The following XPR1 variants were observed in gnomAD, a reference collection of about 807,000 sequenced individuals.
XPR1 encodes xenotropic and polytropic retrovirus receptor 1.
In XPR1, 28 loss-of-function variants were observed where a neutral mutation model predicts 87.5. That is an observed-to-expected ratio of 0.32 (90% confidence interval 0.24 to 0.44). XPR1 has a LOEUF of 0.44. XPR1 is among the 20% of genes least tolerant of loss of function. The pLI is 1.00. For synonymous variants in XPR1, 300 were observed against 306.1 expected, an observed-to-expected ratio of 0.98 and a Z score of 0.21; for missense variants, 559 against 862.3, an observed-to-expected ratio of 0.65 and a Z score of 4.41.
At chr1:180,753,844 T>C (rs950545765) in intron 2 of XPR1, among the ~76,000 whole-genome samples, 1 of 152,212 alleles carries the variant, frequency 6.6e-6, no homozygotes, top group African/African-American at 2.4e-5. Context: ...AATTGCACTT[T>C]TACTTTATTT....
intron 2 of XPR1, among the ~76,000 whole-genome samples, chr1:180,726,844 G>A (rs933033370): frequency 6.6e-6 from 1 of 151,686 alleles, no homozygotes; most frequent in African/African-American, 2.4e-5. Flanking sequence ...TGTTTAAGTT[G>A]ATAGGTGAAT....
At position 180,711,484 on chromosome 1, in the gene XPR1, C is replaced by A. The variant is rs556783076; in HGVS notation, c.121+29073C>A. Among the ~76,000 whole-genome samples, 9 of 152,306 alleles carry A rather than the reference C, an allele frequency of 5.9e-5. No homozygotes were observed. The South Asian group carries it at 1.9e-3, about 32-fold the overall frequency. On this transcript the variant is annotated intron_variant, in intron 2 of 14. Transcript: ENST00000367590. ...CGAAAACCAGTCAGGCATCGCGGCG[C>A]GCGCCTGCAATTGCAGGCACTCGGC...
intron 1 of XPR1, among the ~76,000 whole-genome samples, chr1:180,678,294 G>T (rs1656431558): frequency 6.6e-6 from 1 of 152,184 alleles, no homozygotes; most frequent in Admixed American, 6.5e-5. Flanking sequence ...CTTCTTCAGA[G>T]GTCTGGAGGT....
chr1:180,834,792 T>C, intron 9 of XPR1, 82 bp from the exon 10 acceptor site: 2 of 1,427,318 alleles, frequency 1.4e-6, no homozygotes, highest in Non-Finnish European at 1.9e-6. Flanking sequence ...AAAGTAATCA[T>C]GCTGAATGGT....
At chr1:180,726,713 C>T (rs1033906326) in intron 2 of XPR1, among the ~76,000 whole-genome samples, 4 of 115,592 alleles carry the variant, frequency 3.5e-5, no homozygotes, top group South Asian at 2.8e-4. Context: ...ACCCAGACAT[C>T]AGAGAGATTT....
chr1:180,692,919 A>G (rs1302385299), intron 2 of XPR1, among the ~76,000 whole-genome samples: 1 of 152,152 alleles, frequency 6.6e-6, no homozygotes, highest in Non-Finnish European at 1.5e-5. Flanking sequence ...ACACTGTTTA[A>G]TGCATCTTTA....
At chr1:180,823,669 G>A (rs150541756) in intron 7 of XPR1, among the ~76,000 whole-genome samples, 117 of 152,258 alleles carry the variant, frequency 7.7e-4, no homozygotes, top group African/African-American at 2.7e-3. Flanking sequence ...AATTACTGGC[G>A]AGCCATAGAA....
intron 6 of XPR1, among the ~76,000 whole-genome samples, chr1:180,808,208 T>G (rs954992928): frequency 6.6e-6 from 1 of 151,724 alleles, no homozygotes; most frequent in African/African-American, 2.4e-5. Context: ...AACAGATATT[T>G]GATAAAGATA....
At chr1:180,680,257 A>G (rs1045463394) in intron 1 of XPR1, among the ~76,000 whole-genome samples, 1 of 151,524 alleles carries the variant, frequency 6.6e-6, no homozygotes, top group African/African-American at 2.4e-5. Flanking sequence ...GCTAGTAAGG[A>G]TGCAGAGAAA....
intron 7 of XPR1, among the ~76,000 whole-genome samples, chr1:180,821,360 C>T (rs200385852): frequency 1.3e-5 from 2 of 152,230 alleles, no homozygotes; most frequent in South Asian, 2.1e-4. Context: ...AATCAGCCAT[C>T]GATGTATAGG....
At position 180,803,469 on chromosome 1, in the gene XPR1, C is replaced by G; in HGVS notation, c.305C>G (p.Thr102Ser). The G allele has an allele frequency of 6.2e-7, 1 of 1,614,050 alleles. No individual in the cohort carries two copies. Among genetic ancestry groups the G allele is most frequent in the African/African-American group, 1.3e-5 (1 of 75,042 alleles). ...TCACTGGATGCACAGAAAGAAAGCA[C>G]TGGTGTTACTACGCTGCGACAACGC... ...QSSLDAQKES[T>S]GVTTLRQRRK... The change falls in exon 4 of 15, where the codon ACT becomes AGT. Residue 102 changes from threonine (T) to serine (S), a missense_variant. Coordinates refer to ENST00000367590, the MANE Select transcript of XPR1 (RefSeq NM_004736.4).
chr1:180,817,407 C>A (rs1650449627), intron 7 of XPR1, among the ~76,000 whole-genome samples: 1 of 152,164 alleles, frequency 6.6e-6, no homozygotes, highest in South Asian at 2.1e-4. Context: ...CACTCACTGA[C>A]TCACCCAGAG....
At position 180,881,826 on chromosome 1, in the gene XPR1, C is replaced by G. The variant is rs574432433; in HGVS notation, c.2030+1529C>G. ...CAGGGAACTGAGTCTTAATCCCTGG[C>G]TCAACCATAGTAGCCAGGGAACAAA... On this transcript the variant is annotated intron_variant, in intron 14 of 14. Coordinates refer to ENST00000367590, the MANE Select transcript of XPR1 (RefSeq NM_004736.4). 1.1e-3 allele frequency among the ~76,000 whole-genome samples: 163 copies of G among 152,078 alleles called. 1 individual carries two copies. Among genetic ancestry groups the G allele is most frequent in the Non-Finnish European group, 1.8e-3 (124 of 67,984 alleles).
At chr1:180,744,264 T>C (rs1659009306) in intron 2 of XPR1, among the ~76,000 whole-genome samples, 1 of 152,206 alleles carries the variant, frequency 6.6e-6, no homozygotes, top group Non-Finnish European at 1.5e-5. Flanking sequence ...GCTGGACCCA[T>C]TTGGTGAGTT....
intron 9 of XPR1, among the ~76,000 whole-genome samples, chr1:180,827,132 C>T (rs548812031): frequency 2.5e-3 from 318 of 128,026 alleles, no homozygotes; most frequent in African/African-American, 5.7e-3. Context: ...CCAGCCTGGA[C>T]GACAGAGTGA....
At chr1:180,743,266 A>G (rs948010770) in intron 2 of XPR1, among the ~76,000 whole-genome samples, 2 of 147,676 alleles carry the variant, frequency 1.4e-5, no homozygotes, top group Non-Finnish European at 3.0e-5. Context: ...TTAATGTATC[A>G]GTTGTATTTT....
At chr1:180,658,161 G>A (rs1253523122) in intron 1 of XPR1, among the ~76,000 whole-genome samples, 1 of 152,076 alleles carries the variant, frequency 6.6e-6, no homozygotes. Flanking sequence ...TACTGCATTT[G>A]TTTAGCAATT....
chr1:180,727,559 A>C (rs565719308), intron 2 of XPR1, among the ~76,000 whole-genome samples: 1 of 152,216 alleles, frequency 6.6e-6, no homozygotes, highest in East Asian at 1.9e-4. Flanking sequence ...CGGGAGAATC[A>C]CTTGAACCCA....
At chr1:180,805,052 C>T (rs957004295) in intron 4 of XPR1, among the ~76,000 whole-genome samples, 2 of 152,136 alleles carry the variant, frequency 1.3e-5, no homozygotes, top group Admixed American at 6.5e-5. Context: ...TATGAAAGTT[C>T]TGCTTTATCT....
Sources: allele counts gnomAD v4.1 joint callset (sites outside exome capture counted in the v4.1 genomes callset), GRCh38; gene constraint gnomAD v4.1.1; transcripts MANE v1.5; gene names NCBI Gene and HGNC (gene_info 2026-07-23, HGNC 2026-07-21).